The following CHD3 variants were observed in gnomAD, a reference collection of about 807,000 sequenced individuals.
The protein encoded by CHD3 is ATP-dependent chromatin remodeler CHD3.
In CHD3, 52 loss-of-function variants were observed where a neutral mutation model predicts 248.9. The observed-to-expected ratio is 0.21, with a 90% CI of 0.17 to 0.26. The LOEUF (loss-of-function observed/expected upper bound fraction) is 0.26, where lower values mean the gene tolerates loss of function less well. Among genes scored for constraint, CHD3 ranks in the 10% least tolerant of loss-of-function variants. The pLI is 1.00. For missense variants in CHD3, 1,482 were observed against 2,605.8 expected (o/e 0.57, Z 9.39); for synonymous variants, 985 against 985.2 (o/e 1.00, Z 0.00).
chr17:7,911,405 T>C lies in CHD3; in HGVS notation c.5882-59T>C, dbSNP rs780379002. ...TAGAAGTGAGAATTCACCATTGTCA[T>C]GAAGTGACGTTTGAGAGTGATCTGG... On this transcript the variant is annotated intron_variant, in intron 39 of 39. Transcript: ENST00000330494. The surrounding 1 kb of genome is among the most constrained non-coding windows in gnomAD (Gnocchi z 5.4). 16 of 1,612,426 alleles carry C rather than the reference T, an allele frequency of 9.9e-6. No individual in the cohort carries two copies. Among genetic ancestry groups the C allele is most frequent in the Admixed American group, 1.7e-5 (1 of 60,018 alleles).
rs377618576 is a variant in CHD3 at position 7,907,037 on chromosome 17, C to G, written c.4666+6C>G. ...TCCCTGCACCTCTAAACCTGGTAATCAGAAGTCAGGATGGTGGGAGAGACA... is the reference window on the plus strand; with the variant it reads ...TCCCTGCACCTCTAAACCTGGTAATGAGAAGTCAGGATGGTGGGAGAGACA... On this transcript the variant is annotated splice_donor_region_variant and intron_variant, in intron 30 of 39. Transcript: ENST00000330494. This position sits in a 1 kb window ranked among gnomAD's most constrained non-coding sequence, Gnocchi z 4.3. 6.8e-6 allele frequency: 11 copies of G among 1,614,000 alleles called. No homozygotes were observed. Among genetic ancestry groups the G allele is most frequent in the Non-Finnish European group, 8.5e-6 (10 of 1,180,000 alleles).
At position 7,904,019 on chromosome 17, in the gene CHD3, T is replaced by C. The variant is rs990621793; in HGVS notation, c.3894+28T>C. 3.1e-6 allele frequency: 5 copies of C among 1,609,670 alleles called. No homozygotes were observed. The highest frequency in any genetic ancestry group is 2.2e-5 in the East Asian group (1 of 44,826). Reference sequence around the variant, plus strand: ...GAGAGGCTTTGGGGGCCAGACATTATCTATCCCAGGCCATCTCCAAAAGGC... The same window carrying C: ...GAGAGGCTTTGGGGGCCAGACATTACCTATCCCAGGCCATCTCCAAAAGGC... On this transcript the variant is annotated intron_variant, in intron 24 of 39. Transcript: ENST00000330494. This position sits in a 1 kb window ranked among gnomAD's most constrained non-coding sequence, Gnocchi z 4.4.
upstream of CHD3, among the ~76,000 whole-genome samples, chr17:7,886,138 G>A (rs551117701): frequency 1.7e-4 from 26 of 152,330 alleles, no homozygotes; most frequent in Admixed American, 1.1e-3. This position sits in a 1 kb window ranked among gnomAD's most constrained non-coding sequence, Gnocchi z 4.2. Flanking sequence ...CCCTGAGCAC[G>A]TTGGGGGGCG....
In CHD3 at chr17:7,899,046, C is replaced by G; in HGVS notation, c.2187C>G (p.Ile729Met). Reference sequence around the variant, plus strand: ...AATATGAGACTCAGCCACGGTTTATCACAGCCACTGGAGGCACCCTGCACA... The same window carrying G: ...AATATGAGACTCAGCCACGGTTTATGACAGCCACTGGAGGCACCCTGCACA... ...TVKYETQPRF[I>M]TATGGTLHMY... is the part of the protein sequence containing the mutation. Residue 729 changes from isoleucine (I) to methionine (M), a missense_variant, in exon 14 of 40, where the codon ATC becomes ATG. By Grantham distance (10) the Ile-to-Met change is conservative. Around this residue, in one of 20 missense-constraint regions of CHD3, gnomAD observed 127 missense variants for 188.3 expected, o/e 0.67. Transcript: ENST00000330494. The surrounding 1 kb of genome is among the most constrained non-coding windows in gnomAD (Gnocchi z 6.8). 1 of 1,614,156 alleles carries G rather than the reference C, an allele frequency of 6.2e-7. No individual in the cohort carries two copies. The highest frequency in any genetic ancestry group is 8.5e-7 in the Non-Finnish European group (1 of 1,180,018).
chr17:7,895,599 C>T lies in CHD3; in HGVS notation c.1707+57C>T. ...TGACCTCATTTCCTGCCATCCTCTC[C>T]CTCTCTTACTCCTCTGTTTGTTGGG... On this transcript the variant is annotated intron_variant, in intron 10 of 39. Coordinates refer to ENST00000330494, the MANE Select transcript of CHD3 (RefSeq NM_001005273.3). This position sits in a 1 kb window ranked among gnomAD's most constrained non-coding sequence, Gnocchi z 4.9. The T allele has an allele frequency of 2.1e-6, 3 of 1,443,068 alleles. No individual in the cohort carries two copies. Among genetic ancestry groups the T allele is most frequent in the Non-Finnish European group, 1.9e-6 (2 of 1,029,868 alleles). The allele number at this position is 1,443,068 out of a possible 1,614,324, so 89.4% of individuals were successfully genotyped here.
chr17:7,904,346 G>A lies in CHD3; in HGVS notation c.3895-96G>A, dbSNP rs767425503. 16 of 1,190,536 alleles carry A rather than the reference G, an allele frequency of 1.3e-5. No individual in the cohort carries two copies. Among genetic ancestry groups the A allele is most frequent in the East Asian group, 9.4e-5 (4 of 42,472 alleles). 73.7% of individuals were successfully genotyped at this position (1,190,536 alleles called of 1,614,324 possible). A position where few individuals can be genotyped will look rare whatever the true frequency, so the allele number is the denominator to read the frequency against. On this transcript the variant is annotated intron_variant, in intron 24 of 39. Coordinates refer to ENST00000330494, the MANE Select transcript of CHD3 (RefSeq NM_001005273.3). This position sits in a 1 kb window ranked among gnomAD's most constrained non-coding sequence, Gnocchi z 4.4. ...ACGAAGCTGCAGGAGTGGGGAGACCGGATTGGGCTGACGCAGCAGAGTAGG... is the reference window on the plus strand; with the variant it reads ...ACGAAGCTGCAGGAGTGGGGAGACCAGATTGGGCTGACGCAGCAGAGTAGG...
chr17:7,889,336 G>A lies in CHD3; in HGVS notation c.100+236G>A, dbSNP rs908176108. Among the ~76,000 whole-genome samples the A allele has an allele frequency of 3.3e-5, 5 of 152,264 alleles. No homozygotes were observed. The highest frequency in any genetic ancestry group is 1.2e-4 in the African/African-American group (5 of 41,472). ...GGATGCCAGCTGGCGAAGTGAGGGGGAAGGCAGGAGGAGCCCTGGCGGTGA... is the reference window on the plus strand; with the variant it reads ...GGATGCCAGCTGGCGAAGTGAGGGGAAAGGCAGGAGGAGCCCTGGCGGTGA... On this transcript the variant is annotated intron_variant, in intron 1 of 39. Transcript: ENST00000330494. The surrounding 1 kb of genome is among the most constrained non-coding windows in gnomAD (Gnocchi z 4.5).
chr17:7,912,002 T>C lies in CHD3; in HGVS notation c.*417T>C, dbSNP rs774266856. 265 of 324,538 alleles carry C rather than the reference T, an allele frequency of 8.2e-4. 6 individuals carry two copies. Among genetic ancestry groups the C allele is most frequent in the Admixed American group, 3.1e-4 (7 of 22,266 alleles). 20.1% of individuals were successfully genotyped at this position (324,538 alleles called of 1,614,324 possible). A position where few individuals can be genotyped will look rare whatever the true frequency, so the allele number is the denominator to read the frequency against. ...AGCCTTGCCTGGCCTTTAGGAACTT[T>C]TGTGGGGAAGAGAGCTTTGAAGAGA... is the stretch of plus-strand genomic sequence containing the variant. On this transcript the variant is annotated 3_prime_UTR_variant, in exon 40 of 40. Coordinates refer to ENST00000330494, the MANE Select transcript of CHD3 (RefSeq NM_001005273.3).
rs199967836 is a variant in CHD3, at chr17:7,903,337, C to G, written c.3561C>G (p.Arg1187=). ...TGATGATTTACCGGTTTGTGACTCG[C>G]GCGTCAGTGGAAGAGCGAATCACAC... The part of the protein sequence containing the change: ...NKVMIYRFVT[R]ASVEERITQV... The change falls in exon 23 of 40, where the codon CGC becomes CGG. Residue 1187 remains arginine, a synonymous_variant. Transcript: ENST00000330494. The surrounding 1 kb of genome is among the most constrained non-coding windows in gnomAD (Gnocchi z 6.8). The G allele has an allele frequency of 6.2e-7, 1 of 1,614,166 alleles. No individual in the cohort carries two copies. Among genetic ancestry groups the G allele is most frequent in the South Asian group, 1.1e-5 (1 of 91,086 alleles).
At chr17:7,885,772 C>A (rs1205493504), upstream of CHD3, among the ~76,000 whole-genome samples, 1 of 152,066 alleles carries the variant, frequency 6.6e-6, no homozygotes, top group Non-Finnish European at 1.5e-5. Context: ...CGGTGGCACG[C>A]GAGGGAGGGG....
In CHD3 at chr17:7,900,494, T is replaced by G; in HGVS notation, c.2805-64T>G. ...CTGGTAGAGGATTAATCTGAGGTGG[T>G]AAGTCTGAGATCAGGGGCAAGGAAC... On this transcript the variant is annotated intron_variant, in intron 17 of 39. Transcript: ENST00000330494. The surrounding 1 kb of genome is among the most constrained non-coding windows in gnomAD (Gnocchi z 6.5). 6.2e-7 allele frequency: 1 copy of G among 1,610,094 alleles called. No homozygotes were observed. The highest frequency in any genetic ancestry group is 8.5e-7 in the Non-Finnish European group (1 of 1,177,070).
rs549525057 is a variant in CHD3, at chr17:7,890,562, T to G, written c.214-9T>G. ...ATGAATAAATGTTATTTTTATTTCT[T>G]TCTCTTAGGACAGTGAGGAGGAATT... is the stretch of plus-strand genomic sequence containing the variant. On this transcript the variant is annotated splice_polypyrimidine_tract_variant and intron_variant, in intron 2 of 39. Transcript: ENST00000330494. 1.8e-5 allele frequency: 28 copies of G among 1,548,692 alleles called. No homozygotes were observed. The highest frequency in any genetic ancestry group is 2.3e-5 in the Non-Finnish European group (27 of 1,148,972).
At chr17:7,896,677 C>T (rs184250520) in intron 10 of CHD3, among the ~76,000 whole-genome samples, 3 of 148,706 alleles carry the variant, frequency 2.0e-5, no homozygotes, top group African/African-American at 7.5e-5. Flanking sequence ...AGTGCTGGGA[C>T]GCGCCTGTTA....
At chr17:7,888,669 C>T, upstream of CHD3, 1 of 366,284 alleles carries the variant, frequency 2.7e-6, no homozygotes, top group Non-Finnish European at 4.3e-6. Context: ...CCTATCCCTG[C>T]TGAAGCAGGT....
chr17:7,908,790 T>A lies in CHD3; in HGVS notation c.5355T>A (p.Phe1785Leu), dbSNP rs1215022909. Residue 1785 changes from phenylalanine (F) to leucine (L), a missense_variant, in exon 36 of 40, where the codon TTT becomes TTA. Transcript: ENST00000330494. The surrounding 1 kb of genome is among the most constrained non-coding windows in gnomAD (Gnocchi z 5.8). ...AAACTGAAGCCAATAAGGGGAACTT[T>A]CTGGAGATGAAAAATAAGTTCCTGG... The part of the protein sequence containing the change: ...PFKTEANKGN[F>L]LEMKNKFLAR... 6.2e-7 allele frequency: 1 copy of A among 1,614,176 alleles called. No homozygotes were observed.
Position 7,906,066 on chromosome 17 carries a change from C to T in CHD3, c.4358+77C>T, listed in dbSNP as rs1970890535. On this transcript the variant is annotated intron_variant, in intron 28 of 39. Coordinates refer to ENST00000330494, the MANE Select transcript of CHD3 (RefSeq NM_001005273.3). This position sits in a 1 kb window ranked among gnomAD's most constrained non-coding sequence, Gnocchi z 5.0. ...GTGTTCCTTTCTTCCTTGGGGCCGC[C>T]ATATGATGTGACCTTACTCAACTGA... 3.8e-6 allele frequency: 6 copies of T among 1,581,942 alleles called. No homozygotes were observed. The highest frequency in any genetic ancestry group is 5.2e-6 in the Non-Finnish European group (6 of 1,155,996).
In CHD3 at chr17:7,907,921, G is replaced by C. The variant is rs763890842; in HGVS notation, c.5054G>C (p.Arg1685Pro). The C allele has an allele frequency of 1.7e-5, 28 of 1,612,466 alleles. No homozygotes were observed. In the African/African-American group the frequency reaches 2.3e-4, roughly 13 times the overall value. The change falls in exon 34 of 40, where the codon CGA becomes CCA. Residue 1685 changes from arginine (R) to proline (P), a missense_variant. Physicochemically the swap from Arg to Pro is moderately radical, Grantham distance 103 (BLOSUM62 -2). Around this residue, in one of 20 missense-constraint regions of CHD3, gnomAD observed 254 missense variants for 266.7 expected, o/e 0.95. Coordinates refer to ENST00000330494, the MANE Select transcript of CHD3 (RefSeq NM_001005273.3). This position sits in a 1 kb window ranked among gnomAD's most constrained non-coding sequence, Gnocchi z 4.3. ...REDVKGDREL[R>P]PGPRDEPRSN... is the part of the protein sequence containing the mutation. Reference sequence around the variant, plus strand: ...GATGTAAAAGGTGACCGGGAGCTTCGACCAGGGCCTCGAGATGAGCCACGG... The same window carrying C: ...GATGTAAAAGGTGACCGGGAGCTTCCACCAGGGCCTCGAGATGAGCCACGG...
At chr17:7,896,227 CAAA>C (rs750972677) in intron 10 of CHD3, among the ~76,000 whole-genome samples, 2 of 57,910 alleles carry the variant, frequency 3.5e-5, no homozygotes, top group Non-Finnish European at 3.5e-5. Context: ...CACTCTATCT[CAAA>C]AAAAAAAAAA....
rs556208480 is a variant in CHD3 at position 7,911,117 on chromosome 17, T to C, written c.5881+144T>C. ...TTTATGGGATAGAGTTGTTCTAGGC[T>C]GTCCCCCCACCCATCCCTTTCTTAA... On this transcript the variant is annotated intron_variant, in intron 39 of 39. Transcript: ENST00000330494. This position sits in a 1 kb window ranked among gnomAD's most constrained non-coding sequence, Gnocchi z 5.4. 3 of 1,204,604 alleles carry C rather than the reference T, an allele frequency of 2.5e-6. No homozygotes were observed. In the East Asian group the frequency reaches 7.1e-5, roughly 29 times the overall value. The allele number at this position is 1,204,604 out of a possible 1,614,324, so 74.6% of individuals were successfully genotyped here. A position where few individuals can be genotyped will look rare whatever the true frequency, so the allele number is the denominator to read the frequency against.
Sources: allele counts gnomAD v4.1 joint callset (sites outside exome capture counted in the v4.1 genomes callset), GRCh38; gene constraint gnomAD v4.1.1; regional missense constraint gnomAD v4.1.1; non-coding constraint Gnocchi (gnomAD v3.1); transcripts MANE v1.5; gene names NCBI Gene and HGNC (gene_info 2026-07-23, HGNC 2026-07-21).